The following HM13 variants were observed in gnomAD, a reference collection of about 807,000 sequenced individuals.
HM13 encodes the protein signal peptide peptidase.
In HM13, 18 loss-of-function variants were observed where a neutral mutation model predicts 50.0. The ratio of observed to expected loss-of-function variants is 0.36; its 90% CI spans 0.25 to 0.53. The LOEUF (loss-of-function observed/expected upper bound fraction) is 0.53, where lower values mean the gene tolerates loss of function less well. HM13 is among the 20% of genes least tolerant of loss of function. The pLI is 0.90. For missense variants in HM13, 393 were observed against 552.4 expected (o/e 0.71, Z 2.89); for synonymous variants, 197 against 232.6 (o/e 0.85, Z 1.39).
At chr20:31,545,610 T>G (rs1337909731) in intron 4 of HM13, among the ~76,000 whole-genome samples, 2 of 152,118 alleles carry the variant, frequency 1.3e-5, no homozygotes, top group Non-Finnish European at 2.9e-5. Flanking sequence ...ACAAAAAAAT[T>G]GTAAAAAAAT....
intron 10 of HM13, among the ~76,000 whole-genome samples, chr20:31,563,002 A>G (rs1413294775): frequency 1.3e-5 from 2 of 152,190 alleles, no homozygotes; most frequent in Non-Finnish European, 2.9e-5. Flanking sequence ...CCCAGTGGCC[A>G]TAAGGTGGCA....
At chr20:31,541,913 G>A (rs1983469824) in intron 3 of HM13, among the ~76,000 whole-genome samples, 1 of 152,226 alleles carries the variant, frequency 6.6e-6, no homozygotes, top group Non-Finnish European at 1.5e-5. Flanking sequence ...GCTGGTAAGG[G>A]CAAAGTGAGG....
intron 2 of HM13, among the ~76,000 whole-genome samples, chr20:31,537,900 A>T (rs961811932): frequency 3.3e-5 from 5 of 152,228 alleles, no homozygotes; most frequent in Admixed American, 2.6e-4. Flanking sequence ...CCTGTGCAGC[A>T]CTTTGAGCAC....
chr20:31,561,401 C>A (rs1984601268), intron 9 of HM13, among the ~76,000 whole-genome samples: 1 of 152,134 alleles, frequency 6.6e-6, no homozygotes, highest in Non-Finnish European at 1.5e-5. Flanking sequence ...GAGATGAGCT[C>A]ATTTTCCCAT....
chr20:31,569,176 C>T lies in HM13; in HGVS notation c.1238C>T (p.Thr413Ile). The change falls in exon 13 of 13, where the codon ACA becomes ATA. Residue 413 changes from threonine to isoleucine, a missense_variant. Physicochemically the swap from Thr to Ile is moderately conservative, Grantham distance 89. Coordinates refer to ENST00000398174, the MANE Select transcript of HM13 (RefSeq NM_178581.3). ...GCAGTGACAGAATCCAAAGAGGGAA[C>T]AGAGGCATCAGCATCGAAGGGGCTG... ...PAAVTESKEGTEASASKGLEK... is the reference protein window; with the variant it reads ...PAAVTESKEGIEASASKGLEK... The T allele has an allele frequency of 6.2e-7, 1 of 1,602,024 alleles. No individual in the cohort carries two copies. The highest frequency in any genetic ancestry group is 8.5e-7 in the Non-Finnish European group (1 of 1,174,546).
chr20:31,555,112 A>G (rs1347793392), intron 8 of HM13, among the ~76,000 whole-genome samples: 1 of 152,230 alleles, frequency 6.6e-6, no homozygotes, highest in Non-Finnish European at 1.5e-5. Context: ...TACAAAAGTA[A>G]AAGTCTAATG....
intron 4 of HM13, chr20:31,548,299 C>G (rs1342075420): frequency 2.5e-6 from 1 of 404,368 alleles, no homozygotes; most frequent in Non-Finnish European, 4.5e-6. Flanking sequence ...TGACTCCCGG[C>G]AAACTCCACA....
At position 31,523,035 on chromosome 20, in the gene HM13, G is replaced by GTT. The variant is rs200233326; in HGVS notation, c.184-4442_184-4441dup. 2.4e-3 allele frequency among the ~76,000 whole-genome samples: 292 copies of GTT among 120,452 alleles called. 11 individuals carry two copies. Among genetic ancestry groups the GTT allele is most frequent in the African/African-American group, 0.014 (286 of 20,702 alleles). The allele number at this position is 120,452 out of a possible 152,430, so 79.0% of individuals were successfully genotyped here. ...ACTACATTATAATAGCCTGTTTGGG[G>GTT]TTTTTTTTGGGAGGGGGGCTTTTTT... On this transcript the variant is annotated intron_variant, in intron 1 of 12. Transcript: ENST00000398174.
At chr20:31,557,687 T>C (rs1247130566) in intron 8 of HM13, among the ~76,000 whole-genome samples, 1 of 150,618 alleles carries the variant, frequency 6.6e-6, no homozygotes, top group Non-Finnish European at 1.5e-5. Flanking sequence ...ATGTTGACAG[T>C]TGACAGGCAG....
chr20:31,531,300 A>G (rs1248479115), intron 2 of HM13, among the ~76,000 whole-genome samples: 2 of 152,162 alleles, frequency 1.3e-5, no homozygotes, highest in East Asian at 3.9e-4. Flanking sequence ...TGGCCTCCCA[A>G]AGTGCTGGGA....
chr20:31,514,619 C>T lies in HM13; in HGVS notation c.68C>T (p.Thr23Met), dbSNP rs1281036201. Reference protein sequence around the residue: ...AEAGGPTNSTTRPPSTPEGIA... With the variant: ...AEAGGPTNSTMRPPSTPEGIA... ...GCAGGCGGCCCCACCAACAGCACTA[C>T]GCGGCCGCCTTCCACGCCCGAGGGC... The change falls in exon 1 of 13, where the codon ACG becomes ATG. Residue 23 changes from threonine (T) to methionine (M), a missense_variant. By Grantham distance (81) the Thr-to-Met change is moderately conservative. This residue lies in a region of HM13 where 214 missense variants were observed against 276.1 expected (regional missense o/e 0.77). Coordinates refer to ENST00000398174, the MANE Select transcript of HM13 (RefSeq NM_178581.3). This position sits in a 1 kb window ranked among gnomAD's most constrained non-coding sequence, Gnocchi z 4.3. 2.5e-6 allele frequency: 4 copies of T among 1,593,098 alleles called. No individual in the cohort carries two copies. In the East Asian group the frequency reaches 9.1e-5, roughly 36 times the overall value.
chr20:31,538,380 A>G lies in HM13; in HGVS notation c.365+119A>G, dbSNP rs1555841410. ...GCCAGGTTTGAATCCTGGCTATAAA[A>G]CTCAAGGGACTCTTTCCCCTGCACA... is the stretch of plus-strand genomic sequence containing the variant. On this transcript the variant is annotated intron_variant, in intron 3 of 12. Transcript: ENST00000398174. 10 of 1,571,116 alleles carry G rather than the reference A, an allele frequency of 6.4e-6. No individual in the cohort carries two copies. The South Asian group carries it at 1.1e-4, about 18-fold the overall frequency.
rs1369524925 is a variant in HM13 at position 31,530,986 on chromosome 20, CACCTGCATTGGATA to C, written c.282+3407_282+3420del. Among the ~76,000 whole-genome samples the C allele has an allele frequency of 2.6e-5, 4 of 152,338 alleles. No individual in the cohort carries two copies. In the East Asian group the frequency reaches 7.7e-4, roughly 29 times the overall value. On this transcript the variant is annotated intron_variant, in intron 2 of 12. Transcript: ENST00000398174. Reference sequence around the variant, plus strand: ...AAGTGTGCTGGCCTACCCAGGCGCTCACCTGCATTGGATAACACCAAAATTTTTAGTTTTTTCCA... The same window carrying C: ...AAGTGTGCTGGCCTACCCAGGCGCTCACACCAAAATTTTTAGTTTTTTCCA...
At chr20:31,541,344 G>A (rs1283010591) in intron 3 of HM13, 2 of 152,160 alleles carry the variant, frequency 1.3e-5, no homozygotes, top group African/African-American at 4.8e-5. Flanking sequence ...AGCCGGGTAT[G>A]GTGGTGCGTG....
Position 31,514,576 on chromosome 20 carries a change from C to A in HM13, c.25C>A (p.His9Asn), listed in dbSNP as rs202162303. The change falls in exon 1 of 13, where the codon CAT becomes AAT. Residue 9 changes from histidine (H) to asparagine (N), a missense_variant. Coordinates refer to ENST00000398174, the MANE Select transcript of HM13 (RefSeq NM_178581.3). The surrounding 1 kb of genome is among the most constrained non-coding windows in gnomAD (Gnocchi z 4.3). ...CATGGACTCGGCCCTCAGCGATCCG[C>A]ATAACGGCAGTGCCGAGGCAGGCGG... MDSALSDP[H>N]NGSAEAGGPT... is the part of the protein sequence containing the mutation. The A allele has an allele frequency of 6.2e-6, 10 of 1,606,514 alleles. No homozygotes were observed. In the Admixed American group the frequency reaches 1.7e-4, roughly 27 times the overall value.
intron 2 of HM13, among the ~76,000 whole-genome samples, chr20:31,536,201 T>A (rs1413323264): frequency 2.0e-5 from 3 of 152,074 alleles, no homozygotes; most frequent in Non-Finnish European, 4.4e-5. Context: ...CCATCTCTAC[T>A]AAAAATACAA....
At chr20:31,551,764 G>A (rs1984046558) in intron 7 of HM13, among the ~76,000 whole-genome samples, 1 of 152,180 alleles carries the variant, frequency 6.6e-6, no homozygotes. Context: ...CCACTCAGGG[G>A]ATCAAGAAAC....
intron 1 of HM13, among the ~76,000 whole-genome samples, chr20:31,517,448 T>C (rs551307807): frequency 6.6e-4 from 101 of 152,274 alleles, no homozygotes; most frequent in African/African-American, 2.3e-3. Flanking sequence ...ACTGGGTGCC[T>C]GCTGTGGGCT....
intron 1 of HM13, among the ~76,000 whole-genome samples, chr20:31,525,577 G>A (rs1261088759): frequency 1.3e-5 from 2 of 152,070 alleles, no homozygotes; most frequent in Non-Finnish European, 2.9e-5. Context: ...ACTTTTGGTA[G>A]CCATGATATA....
Sources: allele counts gnomAD v4.1 joint callset (sites outside exome capture counted in the v4.1 genomes callset), GRCh38; gene constraint gnomAD v4.1.1; regional missense constraint gnomAD v4.1.1; non-coding constraint Gnocchi (gnomAD v3.1); transcripts MANE v1.5; gene names NCBI Gene and HGNC (gene_info 2026-07-23, HGNC 2026-07-21).